Variants in CAMTA1 observed in about 807,000 individuals in gnomAD.
CAMTA1 encodes the protein calmodulin binding transcription activator 1.
Under a neutral mutation model 170.9 loss-of-function variants are expected in CAMTA1, and 27 were observed. The observed-to-expected ratio is 0.16, with a 90% CI of 0.12 to 0.22. The LOEUF is 0.22. Among genes scored for constraint, CAMTA1 ranks in the 10% least tolerant of loss-of-function variants. The probability of loss-of-function intolerance (pLI) is 1.00; values close to 1 mark genes in which losing one functional copy is unlikely to be tolerated. For missense variants in CAMTA1, 1,619 were observed against 2,217.2 expected, an observed-to-expected ratio of 0.73 and a Z score of 5.42; for synonymous variants, 833 against 891.5, an observed-to-expected ratio of 0.93 and a Z score of 1.17.
intron 3 of CAMTA1, among the ~76,000 whole-genome samples, chr1:7,072,609 G>A (rs1303881187): frequency 1.3e-5 from 2 of 152,170 alleles, no homozygotes; most frequent in African/African-American, 4.8e-5. Flanking sequence ...CAGGACTATC[G>A]ACTGTGGAGA....
intron 4 of CAMTA1, among the ~76,000 whole-genome samples, chr1:7,163,137 A>C (rs1373123603): frequency 2.0e-5 from 3 of 151,810 alleles, no homozygotes. Context: ...TGAATAAACC[A>C]TGTGGTTGGA....
intron 3 of CAMTA1, among the ~76,000 whole-genome samples, chr1:6,912,934 C>T (rs1680025473): frequency 6.6e-6 from 1 of 152,214 alleles, no homozygotes; most frequent in African/African-American, 2.4e-5. Context: ...AGGATTTGAA[C>T]CCAGCCCAGG....
At chr1:7,584,438 T>C (rs897169380) in intron 6 of CAMTA1, among the ~76,000 whole-genome samples, 1 of 152,054 alleles carries the variant, frequency 6.6e-6, no homozygotes, top group Admixed American at 6.6e-5. Flanking sequence ...GGGTTTCTGC[T>C]AAGCTGACGG....
intron 4 of CAMTA1, among the ~76,000 whole-genome samples, chr1:7,226,243 C>T (rs1661672609): frequency 1.3e-5 from 2 of 152,166 alleles, no homozygotes; most frequent in Admixed American, 6.5e-5. Context: ...CCCTCAAATT[C>T]CCGCCCCGCC....
At chr1:6,909,137 C>T (rs183070726) in intron 3 of CAMTA1, among the ~76,000 whole-genome samples, 5 of 152,284 alleles carry the variant, frequency 3.3e-5, no homozygotes, top group Non-Finnish European at 7.3e-5. Context: ...CAAGGATTTC[C>T]TGGCCTCTAA....
intron 3 of CAMTA1, among the ~76,000 whole-genome samples, chr1:6,982,771 CTG>C (rs2149658749): frequency 6.9e-6 from 1 of 144,588 alleles, no homozygotes; most frequent in South Asian, 2.5e-4. Flanking sequence ...GCTCAGCCCT[CTG>C]TGCGTAGTGG....
Position 7,768,126 on chromosome 1 carries a change from A to C in CAMTA1, c.*1635A>C, listed in dbSNP as rs1404268798. On this transcript the variant is annotated 3_prime_UTR_variant, in exon 23 of 23. Coordinates refer to ENST00000303635, the MANE Select transcript of CAMTA1 (RefSeq NM_015215.4). Reference sequence around the variant, plus strand: ...CACTTAGAATGATAAAAAAAAAAAAAAAAAACCTGACAAAAGAAATAGTAT... The same window carrying C: ...CACTTAGAATGATAAAAAAAAAAAACAAAAACCTGACAAAAGAAATAGTAT... The C allele has an allele frequency of 6.6e-6, 1 of 152,414 alleles. No homozygotes were observed. The highest frequency in any genetic ancestry group is 2.4e-5 in the African/African-American group (1 of 41,408). 9.4% of individuals were successfully genotyped at this position (152,414 alleles called of 1,614,324 possible).
chr1:7,451,229 T>C (rs1775040), intron 5 of CAMTA1, among the ~76,000 whole-genome samples: 2,224 of 152,330 alleles, frequency 0.015, 34 homozygotes, highest in Non-Finnish European at 0.023. Flanking sequence ...ATTGCACTTC[T>C]TGCTGGGGAG....
intron 5 of CAMTA1, among the ~76,000 whole-genome samples, chr1:7,427,107 T>C (rs1281673134): frequency 6.6e-6 from 1 of 152,002 alleles, no homozygotes; most frequent in Non-Finnish European, 1.5e-5. Context: ...CTCCAGCAGG[T>C]GGGGGACAGG....
intron 3 of CAMTA1, among the ~76,000 whole-genome samples, chr1:6,939,571 G>A (rs1686061008): frequency 2.0e-5 from 3 of 152,146 alleles, no homozygotes; most frequent in South Asian, 2.1e-4. Context: ...ATGGCCTCCC[G>A]TCCTCTCTGT....
chr1:7,040,221 A>G (rs1411323642), intron 3 of CAMTA1, among the ~76,000 whole-genome samples: 2 of 151,156 alleles, frequency 1.3e-5, no homozygotes, highest in Admixed American at 6.6e-5. Context: ...AAAAGCTGCC[A>G]GCATATTTCA....
At position 7,113,421 on chromosome 1, in the gene CAMTA1, A is replaced by G. The variant is rs1177472582; in HGVS notation, c.302+22050A>G. Among the ~76,000 whole-genome samples the G allele has an allele frequency of 6.6e-6, 1 of 152,154 alleles. No individual in the cohort carries two copies. The highest frequency in any genetic ancestry group is 1.9e-4 in the East Asian group (1 of 5,182). Reference sequence around the variant, plus strand: ...GATGCGGCCCCCTTGGAGAGGGGTCATCTTTACTTGATTCCCTTGGTCTGG... The same window carrying G: ...GATGCGGCCCCCTTGGAGAGGGGTCGTCTTTACTTGATTCCCTTGGTCTGG... On this transcript the variant is annotated intron_variant, in intron 4 of 22. Coordinates refer to ENST00000303635, the MANE Select transcript of CAMTA1 (RefSeq NM_015215.4). This position sits in a 1 kb window ranked among gnomAD's most constrained non-coding sequence, Gnocchi z 4.5.
chr1:7,230,223 A>G (rs955817592), intron 4 of CAMTA1, among the ~76,000 whole-genome samples: 1 of 151,982 alleles, frequency 6.6e-6, no homozygotes, highest in Non-Finnish European at 1.5e-5. Flanking sequence ...TTTGGTTGCC[A>G]GCGCCCTCCT....
At chr1:6,933,281 T>G (rs1424611000) in intron 3 of CAMTA1, among the ~76,000 whole-genome samples, 2 of 152,254 alleles carry the variant, frequency 1.3e-5, no homozygotes, top group African/African-American at 4.8e-5. Flanking sequence ...GTGTTTTCGT[T>G]TCTTTTTTTT....
chr1:7,451,853 G>A (rs1191832074), intron 5 of CAMTA1, among the ~76,000 whole-genome samples: 1 of 152,220 alleles, frequency 6.6e-6, no homozygotes, highest in East Asian at 1.9e-4. Flanking sequence ...CCATTGTCCA[G>A]TAGCTCTGCT....
chr1:7,494,031 C>A (rs980091533), intron 6 of CAMTA1, among the ~76,000 whole-genome samples: 6 of 152,022 alleles, frequency 3.9e-5, no homozygotes, highest in African/African-American at 1.4e-4. Context: ...CTCCCCCGTG[C>A]ATTTTAAACA....
At chr1:7,655,289 C>CAAACAG (rs766130080) in intron 7 of CAMTA1, among the ~76,000 whole-genome samples, 1 of 146,030 alleles carries the variant, frequency 6.8e-6, no homozygotes, top group South Asian at 2.2e-4. Context: ...GTTATACACA[C>CAAACAG]ACACACCTAT....
chr1:7,699,949 T>C (rs1329917119), intron 11 of CAMTA1, among the ~76,000 whole-genome samples: 1 of 152,238 alleles, frequency 6.6e-6, no homozygotes, highest in African/African-American at 2.4e-5. Context: ...ATATGAGATT[T>C]GCAAATATTT....
intron 3 of CAMTA1, among the ~76,000 whole-genome samples, chr1:7,088,194 G>A (rs992987633): frequency 5.3e-5 from 8 of 152,214 alleles, no homozygotes; most frequent in African/African-American, 1.9e-4. Context: ...AGCTTCCTCG[G>A]AAAGGCTTCT....
Sources: allele counts gnomAD v4.1 joint callset (sites outside exome capture counted in the v4.1 genomes callset), GRCh38; gene constraint gnomAD v4.1.1; non-coding constraint Gnocchi (gnomAD v3.1); transcripts MANE v1.5; gene names NCBI Gene and HGNC (gene_info 2026-07-23, HGNC 2026-07-21).